Variants in DLG2 observed in about 807,000 individuals in gnomAD.
DLG2 encodes the protein discs large MAGUK scaffold protein 2.
Under a neutral mutation model 132.5 loss-of-function variants are expected in DLG2, and 45 were observed. The ratio of observed to expected loss-of-function variants is 0.34; its 90% CI spans 0.27 to 0.44. The LOEUF is 0.44. Among genes scored for constraint, DLG2 ranks in the 20% least tolerant of loss-of-function variants. DLG2 has a pLI of 1.00. For synonymous variants in DLG2, 424 were observed against 419.6 expected (o/e 1.01, Z -0.13); for missense variants, 1,045 against 1,196.9 (o/e 0.87, Z 1.87).
At chr11:84,953,150 T>G (rs1426604714) in intron 6 of DLG2, among the ~76,000 whole-genome samples, 1 of 152,240 alleles carries the variant, frequency 6.6e-6, no homozygotes, top group African/African-American at 2.4e-5. Flanking sequence ...AATTACCTCT[T>G]TGAACAAACA....
At chr11:84,974,155 T>C (rs2054534815) in intron 6 of DLG2, among the ~76,000 whole-genome samples, 1 of 152,192 alleles carries the variant, frequency 6.6e-6, no homozygotes, top group Non-Finnish European at 1.5e-5. Context: ...CAGTTAGAAA[T>C]GAAAAATTTC....
chr11:84,200,286 A>G (rs796765222), intron 8 of DLG2, among the ~76,000 whole-genome samples: 2 of 152,166 alleles, frequency 1.3e-5, no homozygotes, highest in Admixed American at 1.3e-4. Context: ...CAAATAAAAC[A>G]CTGAAGAAAC....
intron 3 of DLG2, among the ~76,000 whole-genome samples, chr11:85,393,647 G>GTC (rs1485160900): frequency 1.3e-5 from 2 of 151,636 alleles, no homozygotes; most frequent in Non-Finnish European, 2.9e-5. Context: ...GTGTGTGTGT[G>GTC]TGTGTGTGTG....
intron 11 of DLG2, 139 bp downstream of exon 11, chr11:84,059,176 A>G: frequency 1.4e-6 from 1 of 723,474 alleles, no homozygotes; most frequent in Non-Finnish European, 2.2e-6. Context: ...ACCCTTTGTA[A>G]CCACTACTGT....
At chr11:84,228,783 T>G (rs1009497776) in intron 8 of DLG2, among the ~76,000 whole-genome samples, 5 of 152,176 alleles carry the variant, frequency 3.3e-5, no homozygotes, top group Non-Finnish European at 4.4e-5. Context: ...GCCCAATGCT[T>G]GTAATGAAAT....
chr11:84,755,338 G>A (rs796864048), intron 6 of DLG2, among the ~76,000 whole-genome samples: 2 of 152,160 alleles, frequency 1.3e-5, no homozygotes, highest in East Asian at 3.8e-4. Context: ...TTTCCTTACC[G>A]ACAGGATAAA....
intron 6 of DLG2, among the ~76,000 whole-genome samples, chr11:84,614,174 T>C (rs2099600154): frequency 6.6e-6 from 1 of 152,210 alleles, no homozygotes; most frequent in Non-Finnish European, 1.5e-5. Flanking sequence ...GGAAAATAAA[T>C]GGACAGTAAG....
At chr11:83,894,395 T>A (rs1354835422) in intron 15 of DLG2, among the ~76,000 whole-genome samples, 4 of 151,856 alleles carry the variant, frequency 2.6e-5, no homozygotes, top group Non-Finnish European at 5.9e-5. Flanking sequence ...ACAGAGGAGA[T>A]TTCACCCTAG....
At chr11:83,859,198 A>G (rs1295620562) in intron 16 of DLG2, among the ~76,000 whole-genome samples, 1 of 152,230 alleles carries the variant, frequency 6.6e-6, no homozygotes, top group Non-Finnish European at 1.5e-5. Context: ...CACTGCTGAA[A>G]AGATACCCGA....
intron 3 of DLG2, among the ~76,000 whole-genome samples, chr11:85,459,291 C>T (rs1008547264): frequency 6.6e-6 from 1 of 152,142 alleles, no homozygotes; most frequent in Non-Finnish European, 1.5e-5. Context: ...GGAGGTGAGA[C>T]AGTTGTTCTA....
At chr11:85,139,309 TGAATGAATGAGATG>T (rs748645528) in intron 5 of DLG2, among the ~76,000 whole-genome samples, 2 of 152,072 alleles carry the variant, frequency 1.3e-5, no homozygotes, top group Admixed American at 6.6e-5. Flanking sequence ...AATGAGTGAA[TGAATGAATGAGATG>T]CATCACATGG....
chr11:84,921,531 G>A (rs12225342), intron 6 of DLG2, among the ~76,000 whole-genome samples: 78,073 of 151,964 alleles, frequency 0.51, 20,392 homozygotes, highest in South Asian at 0.59. Context: ...TCATAAAGAC[G>A]ACTGTTAGTA....
intron 6 of DLG2, among the ~76,000 whole-genome samples, chr11:84,556,221 G>A (rs1380797743): frequency 6.6e-6 from 1 of 152,206 alleles, no homozygotes; most frequent in African/African-American, 2.4e-5. Context: ...CAGGTAGCAG[G>A]TGGACTTTAA....
chr11:83,786,640 G>A lies in DLG2; in HGVS notation c.1825+50C>T, dbSNP rs372097219. 24 of 1,482,446 alleles carry A rather than the reference G, an allele frequency of 1.6e-5. No homozygotes were observed. The African/African-American group carries it at 3.3e-4, about 20-fold the overall frequency. The allele number at this position is 1,482,446 out of a possible 1,614,324, so 91.8% of individuals were successfully genotyped here. On this transcript the variant is annotated intron_variant, in intron 18 of 27. Coordinates refer to ENST00000376104, the MANE Select transcript of DLG2 (RefSeq NM_001142699.3). The stretch of plus-strand genomic sequence containing the variant: ...AAAAATTATTAGTAATGAGGGTACA[G>A]ATCCACACAGAGACATATCAGAACA...
At chr11:84,041,143 A>G (rs984538025) in intron 11 of DLG2, among the ~76,000 whole-genome samples, 1 of 152,010 alleles carries the variant, frequency 6.6e-6, no homozygotes, top group Non-Finnish European at 1.5e-5. Flanking sequence ...TCATTTTTAA[A>G]AAGCTGAATG....
chr11:83,565,194 A>T (rs1282547101), intron 19 of DLG2, among the ~76,000 whole-genome samples: 4 of 152,208 alleles, frequency 2.6e-5, no homozygotes, highest in African/African-American at 9.6e-5. Context: ...TGAGATTATA[A>T]TATGACCATT....
At chr11:84,017,037 C>T (rs1057137328) in intron 11 of DLG2, among the ~76,000 whole-genome samples, 2 of 151,568 alleles carry the variant, frequency 1.3e-5, no homozygotes, top group Non-Finnish European at 2.9e-5. Flanking sequence ...GAGTACTACA[C>T]AGAGAACATA....
intron 19 of DLG2, among the ~76,000 whole-genome samples, chr11:83,567,768 T>C (rs1287493356): frequency 1.3e-5 from 2 of 152,058 alleles, no homozygotes; most frequent in Non-Finnish European, 2.9e-5. Flanking sequence ...GTGAGTTGCA[T>C]TACAAGGTAT....
At chr11:84,562,422 C>A (rs2099430350) in intron 6 of DLG2, among the ~76,000 whole-genome samples, 1 of 152,186 alleles carries the variant, frequency 6.6e-6, no homozygotes, top group Non-Finnish European at 1.5e-5. Flanking sequence ...CCAGCCCCTA[C>A]ATGAAGGCTT....
Sources: allele counts gnomAD v4.1 joint callset (sites outside exome capture counted in the v4.1 genomes callset), GRCh38; gene constraint gnomAD v4.1.1; transcripts MANE v1.5; gene names NCBI Gene and HGNC (gene_info 2026-07-23, HGNC 2026-07-21).